TANC2: variants seen among roughly 807,000 people sequenced by gnomAD.
TANC2 encodes the protein protein TANC2.
A neutral mutation model predicts 210.5 loss-of-function variants in TANC2; 26 were observed. The observed-to-expected ratio is 0.12, with a 90% confidence interval of 0.09 to 0.17. The LOEUF (loss-of-function observed/expected upper bound fraction) is 0.17. TANC2 is among the 10% of genes least tolerant of loss of function. The pLI, the probability that TANC2 is intolerant of heterozygous loss-of-function variation, is 1.00. For missense variants in TANC2, 2,129 were observed against 2,608.9 expected (o/e 0.82, Z 4.01); for synonymous variants, 931 against 967.1 (o/e 0.96, Z 0.69).
chr17:63,009,650 T>A (rs1433409224), intron 2 of TANC2, 24 bp downstream of exon 2: 4 of 1,601,210 alleles, frequency 2.5e-6, no homozygotes, highest in Non-Finnish European at 3.4e-6. Context: ...CTACATTTAT[T>A]GTGCGTGATA....
chr17:62,979,213 G>A (rs2032178877), intron 1 of TANC2, among the ~76,000 whole-genome samples: 1 of 152,156 alleles, frequency 6.6e-6, no homozygotes. Context: ...TAATCTCACG[G>A]TATACTTTAT....
intron 7 of TANC2, among the ~76,000 whole-genome samples, chr17:63,206,724 G>A (rs1302356733): frequency 6.6e-6 from 1 of 152,138 alleles, no homozygotes; most frequent in African/African-American, 2.4e-5. Flanking sequence ...TTGGTGGGAT[G>A]TGGAAATAGG....
chr17:63,391,046 C>T, intron 17 of TANC2: 1 of 152,094 alleles, frequency 6.6e-6, no homozygotes, highest in East Asian at 1.9e-4. Context: ...ACCTTCCTTT[C>T]CAGAGCAATT....
chr17:63,329,739 T>C (rs1022752000), intron 11 of TANC2, among the ~76,000 whole-genome samples: 4 of 152,198 alleles, frequency 2.6e-5, no homozygotes, highest in African/African-American at 9.7e-5. Flanking sequence ...TTCCGATGAC[T>C]CTACTGACCA....
chr17:63,321,018 G>A (rs1268052232), intron 11 of TANC2, among the ~76,000 whole-genome samples: 2 of 152,008 alleles, frequency 1.3e-5, no homozygotes, highest in Admixed American at 6.6e-5. Flanking sequence ...GACCAACATG[G>A]CAAAGCCCCA....
chr17:63,167,884 CAAAAAAAAAAAAAA>C (rs760465295), intron 5 of TANC2, among the ~76,000 whole-genome samples: 6 of 63,992 alleles, frequency 9.4e-5, no homozygotes, highest in African/African-American at 3.1e-4. Flanking sequence ...GACTCTGTCT[CAAAAAAAAAAAAAA>C]AAAAAAAAAA....
At chr17:63,377,152 C>T (rs545889624) in intron 14 of TANC2, among the ~76,000 whole-genome samples, 173 of 152,318 alleles carry the variant, frequency 1.1e-3, no homozygotes, top group Non-Finnish European at 1.6e-3. Context: ...CTTTTTCCTC[C>T]TAGGCCTCCA....
At chr17:62,984,931 G>T (rs941882591) in intron 1 of TANC2, among the ~76,000 whole-genome samples, 2 of 152,162 alleles carry the variant, frequency 1.3e-5, no homozygotes, top group Non-Finnish European at 2.9e-5. Flanking sequence ...TTCTGCAGGT[G>T]TTGGGTGAAA....
chr17:63,091,601 T>C (rs2037196459), intron 3 of TANC2, among the ~76,000 whole-genome samples: 1 of 152,194 alleles, frequency 6.6e-6, no homozygotes. Flanking sequence ...CCATGCTGTT[T>C]TGGTTACTGT....
intron 9 of TANC2, among the ~76,000 whole-genome samples, chr17:63,270,122 TA>T (rs2043653452): frequency 6.6e-6 from 1 of 152,172 alleles, no homozygotes; most frequent in African/African-American, 2.4e-5. Context: ...GCAAGGTGTT[TA>T]CTTAGCAGTG....
At chr17:63,303,843 A>G (rs551792368) in intron 9 of TANC2, among the ~76,000 whole-genome samples, 4 of 150,564 alleles carry the variant, frequency 2.7e-5, no homozygotes, top group Non-Finnish European at 5.9e-5. Flanking sequence ...TTTCAACAAG[A>G]TGGTCTGGAT....
intron 11 of TANC2, among the ~76,000 whole-genome samples, chr17:63,326,511 T>G (rs2045651925): frequency 1.3e-5 from 2 of 152,100 alleles, no homozygotes; most frequent in South Asian, 4.2e-4. Flanking sequence ...TTGACAAATT[T>G]GGCCACGTGA....
chr17:63,130,669 A>G (rs1030917786), intron 4 of TANC2, among the ~76,000 whole-genome samples: 6 of 152,204 alleles, frequency 3.9e-5, no homozygotes, highest in Non-Finnish European at 7.3e-5. Flanking sequence ...AAACTTTATT[A>G]TAATTGAGTC....
At chr17:63,355,118 A>G in exon 14 of TANC2, 1 of 1,613,912 alleles carries the variant, frequency 6.2e-7, no homozygotes, top group African/African-American at 1.3e-5. Context: ...TGAAGTTCCC[A>G]ACCCAGTCTT....
chr17:63,305,292 T>C, intron 9 of TANC2: 1 of 152,388 alleles, frequency 6.6e-6, no homozygotes, highest in Non-Finnish European at 1.5e-5. Context: ...GCGTACTCAC[T>C]CACTGCCTAC....
chr17:63,064,244 C>G (rs763302926), intron 2 of TANC2, among the ~76,000 whole-genome samples: 8 of 151,854 alleles, frequency 5.3e-5, no homozygotes, highest in Non-Finnish European at 7.4e-5. Context: ...TGCTTGAGCC[C>G]AAGAATTTTG....
rs1227846023 is a variant in TANC2 at position 63,006,451 on chromosome 17, G to A, written c.-23-3086G>A. 4.6e-5 allele frequency among the ~76,000 whole-genome samples: 7 copies of A among 152,072 alleles called. No homozygotes were observed. In the South Asian group the frequency reaches 1.0e-3, roughly 23 times the overall value. On this transcript the variant is annotated intron_variant, in intron 1 of 27. Transcript: ENST00000689528. ...AGTTTTATCCTATGAGTTCCCATAAGTCATTTTTATTATCATTCATTACAA... is the reference window on the plus strand; with the variant it reads ...AGTTTTATCCTATGAGTTCCCATAAATCATTTTTATTATCATTCATTACAA...
intron 5 of TANC2, among the ~76,000 whole-genome samples, chr17:63,163,882 T>C (rs2040113194): frequency 2.0e-5 from 3 of 152,246 alleles, no homozygotes; most frequent in Admixed American, 2.0e-4. Flanking sequence ...AGTAATTTTC[T>C]ATAATGTATG....
chr17:63,006,812 C>T (rs900119252), intron 1 of TANC2, among the ~76,000 whole-genome samples: 1 of 151,748 alleles, frequency 6.6e-6, no homozygotes, highest in Non-Finnish European at 1.5e-5. Flanking sequence ...GATCTTGTAG[C>T]TATTGACAAA....
Sources: allele counts gnomAD v4.1 joint callset (sites outside exome capture counted in the v4.1 genomes callset), GRCh38; gene constraint gnomAD v4.1.1; transcripts MANE v1.5; gene names NCBI Gene and HGNC (gene_info 2026-07-23, HGNC 2026-07-21).